B3GALT1: variants seen among roughly 807,000 people sequenced by gnomAD.
The protein encoded by B3GALT1 is beta-1,3-galactosyltransferase 1.
Under a neutral mutation model 23.2 loss-of-function variants are expected in B3GALT1, and 10 were observed. That is an observed-to-expected ratio of 0.43 (90% confidence interval 0.27 to 0.73). The LOEUF (loss-of-function observed/expected upper bound fraction) is 0.73. B3GALT1 is among the 30% of genes least tolerant of loss of function. The probability of loss-of-function intolerance (pLI) is 0.21; values close to 1 mark genes in which losing one functional copy is unlikely to be tolerated. For synonymous variants in B3GALT1, 156 were observed against 141.5 expected (o/e 1.10, Z -0.73); for missense variants, 299 against 405.4 (o/e 0.74, Z 2.25).
chr2:167,539,542 G>C (rs1683499426), intron 2 of B3GALT1, among the ~76,000 whole-genome samples: 1 of 152,118 alleles, frequency 6.6e-6, no homozygotes, highest in African/African-American at 2.4e-5. Flanking sequence ...TTTTGGTACT[G>C]ATATATTTTG....
chr2:167,589,936 T>C lies in B3GALT1; in HGVS notation c.-409-56973T>C, dbSNP rs183464780. ...GCTTTCAGGTACACATTTTATATAG[T>C]ATTCCTATCCTTAACTTTATCATTT... On this transcript the variant is annotated intron_variant, in intron 2 of 4. Transcript: ENST00000392690. 5.3e-5 allele frequency among the ~76,000 whole-genome samples: 8 copies of C among 152,274 alleles called. No homozygotes were observed. The East Asian group carries it at 1.2e-3, about 22-fold the overall frequency.
chr2:167,866,790 T>C (rs534678776), intron 4 of B3GALT1, among the ~76,000 whole-genome samples: 3 of 152,146 alleles, frequency 2.0e-5, no homozygotes, highest in African/African-American at 7.2e-5. Context: ...CAGAGCAATA[T>C]AATGACAAAA....
intron 3 of B3GALT1, among the ~76,000 whole-genome samples, chr2:167,671,561 G>A (rs1369377232): frequency 1.3e-5 from 2 of 152,080 alleles, no homozygotes; most frequent in Non-Finnish European, 2.9e-5. Flanking sequence ...TAAACAATAT[G>A]TCAAAGAAGA....
intron 2 of B3GALT1, among the ~76,000 whole-genome samples, chr2:167,525,465 A>G (rs907643053): frequency 1.3e-5 from 2 of 152,028 alleles, no homozygotes; most frequent in African/African-American, 4.8e-5. Flanking sequence ...GAGATAACAC[A>G]TTTGTATTTT....
At chr2:167,610,556 C>A (rs1188841242) in intron 2 of B3GALT1, among the ~76,000 whole-genome samples, 1 of 152,040 alleles carries the variant, frequency 6.6e-6, no homozygotes, top group Non-Finnish European at 1.5e-5. Flanking sequence ...GTGGAACTAT[C>A]ACAAAAGCAG....
At chr2:167,373,720 G>C (rs969610527) in intron 1 of B3GALT1, among the ~76,000 whole-genome samples, 2 of 151,980 alleles carry the variant, frequency 1.3e-5, no homozygotes, top group African/African-American at 4.8e-5. Flanking sequence ...CCACTATCCC[G>C]GCTCATTTTT....
intron 2 of B3GALT1, among the ~76,000 whole-genome samples, chr2:167,544,054 T>C (rs1190157270): frequency 6.6e-6 from 1 of 152,164 alleles, no homozygotes; most frequent in Non-Finnish European, 1.5e-5. Context: ...CAGCAACAGG[T>C]GAAAAGCAAT....
chr2:167,762,583 A>AAT (rs1274307707), intron 3 of B3GALT1, among the ~76,000 whole-genome samples: 1 of 151,410 alleles, frequency 6.6e-6, no homozygotes, highest in East Asian at 1.9e-4. Context: ...CCAAAAATAA[A>AAT]AAAAAAAAAA....
chr2:167,635,727 C>G (rs998749237), intron 2 of B3GALT1, among the ~76,000 whole-genome samples: 3 of 152,098 alleles, frequency 2.0e-5, no homozygotes, highest in Non-Finnish European at 4.4e-5. Context: ...ATTTCATGCT[C>G]ATGGATAGGA....
intron 3 of B3GALT1, among the ~76,000 whole-genome samples, chr2:167,744,490 G>C (rs1208728789): frequency 6.6e-6 from 1 of 152,096 alleles, no homozygotes; most frequent in East Asian, 1.9e-4. Flanking sequence ...TTGTCTTTAA[G>C]AATACTTTTT....
chr2:167,382,573 G>A (rs999318949), intron 1 of B3GALT1, among the ~76,000 whole-genome samples: 1 of 152,074 alleles, frequency 6.6e-6, no homozygotes, highest in Admixed American at 6.5e-5. Flanking sequence ...ACTTTAGAAT[G>A]GAAATCAGTA....
chr2:167,698,130 G>A (rs1261165032), intron 3 of B3GALT1, among the ~76,000 whole-genome samples: 5 of 152,068 alleles, frequency 3.3e-5, no homozygotes, highest in Non-Finnish European at 4.4e-5. Context: ...GTTCTGTAGG[G>A]AGTTAACATC....
At chr2:167,659,641 A>G (rs1348322781) in intron 3 of B3GALT1, among the ~76,000 whole-genome samples, 6 of 152,064 alleles carry the variant, frequency 3.9e-5, no homozygotes, top group Non-Finnish European at 5.9e-5. Context: ...TTCATGCTTC[A>G]TGATAAAGCC....
chr2:167,368,726 T>C (rs1220679384), intron 1 of B3GALT1, among the ~76,000 whole-genome samples: 1 of 152,224 alleles, frequency 6.6e-6, no homozygotes, highest in African/African-American at 2.4e-5. Context: ...GTGATGTCTC[T>C]AACTTTAACC....
chr2:167,610,317 C>T lies in B3GALT1; in HGVS notation c.-409-36592C>T, dbSNP rs372133373. Among the ~76,000 whole-genome samples, 27 of 152,184 alleles carry T rather than the reference C, an allele frequency of 1.8e-4. 2 individuals are homozygous for T. Among genetic ancestry groups the T allele is most frequent in the Admixed American group, 1.6e-3 (24 of 15,272 alleles). ...ATTTAACCGTGCTTAAAATCAATGG[C>T]CTTCTTTTTGTAATAGGTTGTAATA... is the stretch of plus-strand genomic sequence containing the variant. On this transcript the variant is annotated intron_variant, in intron 2 of 4. Transcript: ENST00000392690.
At chr2:167,719,660 G>T (rs916876280) in intron 3 of B3GALT1, among the ~76,000 whole-genome samples, 1 of 152,166 alleles carries the variant, frequency 6.6e-6, no homozygotes, top group African/African-American at 2.4e-5. Context: ...GGGACTGGGC[G>T]TGGTGGCTCA....
chr2:167,842,082 A>G (rs1237309916), intron 4 of B3GALT1, among the ~76,000 whole-genome samples: 1 of 152,238 alleles, frequency 6.6e-6, no homozygotes, highest in Non-Finnish European at 1.5e-5. Flanking sequence ...ATAAAGACAC[A>G]TATTATTACA....
At chr2:167,396,660 C>T (rs1311134459) in intron 1 of B3GALT1, among the ~76,000 whole-genome samples, 1 of 151,358 alleles carries the variant, frequency 6.6e-6, no homozygotes, top group Non-Finnish European at 1.5e-5. Flanking sequence ...TTAGCCTTTA[C>T]CCATTGATAC....
intron 3 of B3GALT1, among the ~76,000 whole-genome samples, chr2:167,672,920 G>T (rs998483007): frequency 1.3e-5 from 2 of 151,472 alleles, no homozygotes; most frequent in East Asian, 3.9e-4. Context: ...CTCATTGAAG[G>T]CCTGTAAAAC....
Sources: allele counts gnomAD v4.1 joint callset (sites outside exome capture counted in the v4.1 genomes callset), GRCh38; gene constraint gnomAD v4.1.1; transcripts MANE v1.5; gene names NCBI Gene and HGNC (gene_info 2026-07-23, HGNC 2026-07-21).